The following PTPN14 variants were observed in gnomAD, a reference collection of about 807,000 sequenced individuals.
PTPN14 encodes tyrosine-protein phosphatase non-receptor type 14.
A neutral mutation model predicts 126.8 loss-of-function variants in PTPN14; 53 were observed. That is an observed-to-expected ratio of 0.42 (90% CI 0.34 to 0.53). The LOEUF is 0.53. Among genes scored for constraint, PTPN14 ranks in the 20% least tolerant of loss-of-function variants. The pLI is 0.08. For missense variants in PTPN14, 1,257 were observed against 1,552.9 expected (o/e 0.81, Z 3.20); for synonymous variants, 630 against 599.3 (o/e 1.05, Z -0.75).
At chr1:214,426,583 A>G (rs181398019) in intron 3 of PTPN14, among the ~76,000 whole-genome samples, 7 of 152,272 alleles carry the variant, frequency 4.6e-5, no homozygotes, top group Non-Finnish European at 1.0e-4. Context: ...TAAATATAGG[A>G]AACCTTTTGT....
intron 1 of PTPN14, among the ~76,000 whole-genome samples, chr1:214,518,633 A>C (rs1314111071): frequency 6.6e-6 from 1 of 152,184 alleles, no homozygotes; most frequent in Admixed American, 6.5e-5. Flanking sequence ...GACTGAAACC[A>C]TTTAAAATCC....
intron 5 of PTPN14, 24 bp downstream of exon 5, chr1:214,411,660 T>C (rs1164878177): frequency 7.0e-7 from 1 of 1,428,544 alleles, no homozygotes; most frequent in African/African-American, 1.5e-5. Context: ...GAAAATTAAT[T>C]AAGAAAAATG....
chr1:214,399,512 T>G (rs1658967619), intron 7 of PTPN14, among the ~76,000 whole-genome samples: 1 of 152,208 alleles, frequency 6.6e-6, no homozygotes, highest in African/African-American at 2.4e-5. Flanking sequence ...TTTGAAGAGT[T>G]GAATATTCTT....
intron 1 of PTPN14, among the ~76,000 whole-genome samples, chr1:214,484,819 G>T (rs1048725063): frequency 2.6e-5 from 4 of 152,198 alleles, no homozygotes. Context: ...CTCCAAGAGG[G>T]ATGTCTTCAG....
chr1:214,401,100 C>A (rs1266308901), intron 7 of PTPN14, among the ~76,000 whole-genome samples: 3 of 152,062 alleles, frequency 2.0e-5, no homozygotes, highest in Non-Finnish European at 4.4e-5. Context: ...TGACTATGAT[C>A]CATGACCCCC....
At chr1:214,513,974 C>T (rs149613773) in intron 1 of PTPN14, among the ~76,000 whole-genome samples, 40 of 152,310 alleles carry the variant, frequency 2.6e-4, no homozygotes, top group African/African-American at 9.4e-4. Flanking sequence ...AAGAAAAATA[C>T]TTAAAATAGG....
In PTPN14 at chr1:214,533,049, T is replaced by C. The variant is rs971111198; in HGVS notation, c.-155+18134A>G. 6.7e-6 allele frequency: 5 copies of C among 748,116 alleles called. No individual in the cohort carries two copies. The Admixed American group carries it at 8.7e-5, about 13-fold the overall frequency. The allele number at this position is 748,116 out of a possible 1,614,324, so 46.3% of individuals were successfully genotyped here. ...CCACCCAGTCCGCCCAGGTTGGAGC[T>C]GCTGAGATGACACTCACGGAGCTGG... On this transcript the variant is annotated intron_variant, in intron 1 of 18. Coordinates refer to ENST00000366956, the MANE Select transcript of PTPN14 (RefSeq NM_005401.5).
chr1:214,412,212 C>T (rs538063816), intron 4 of PTPN14, among the ~76,000 whole-genome samples: 1 of 152,124 alleles, frequency 6.6e-6, no homozygotes, highest in Non-Finnish European at 1.5e-5. Flanking sequence ...ATCTTTACAC[C>T]TTCTAAATAA....
At chr1:214,423,817 C>A (rs190726532) in intron 3 of PTPN14, among the ~76,000 whole-genome samples, 6 of 151,298 alleles carry the variant, frequency 4.0e-5, no homozygotes, top group Admixed American at 6.6e-5. Flanking sequence ...CACGTCTCTA[C>A]TAAAAATACA....
At chr1:214,520,936 G>A (rs1655239666) in intron 1 of PTPN14, among the ~76,000 whole-genome samples, 1 of 152,034 alleles carries the variant, frequency 6.6e-6, no homozygotes, top group Admixed American at 6.5e-5. Flanking sequence ...TCTCTTTAAA[G>A]AAGCTAAAAT....
chr1:214,536,305 G>A (rs952803788), intron 1 of PTPN14, among the ~76,000 whole-genome samples: 1 of 152,134 alleles, frequency 6.6e-6, no homozygotes, highest in Non-Finnish European at 1.5e-5. Context: ...CTACTTAGGA[G>A]GCTGAGGTGG....
intron 3 of PTPN14, among the ~76,000 whole-genome samples, chr1:214,427,418 A>G (rs186451712): frequency 5.3e-5 from 8 of 152,306 alleles, no homozygotes; most frequent in Admixed American, 3.9e-4. Flanking sequence ...AATTAGTATA[A>G]TGATTTCTTA....
rs1388837554 is a variant in PTPN14 at position 214,364,738 on chromosome 1, AG to A, written c.3272-64del. ...CCATGGCTTCGCATGTAAGTTGGGG[AG>A]GGGGGAGCGGAAGAGAACTGATGGT... On this transcript the variant is annotated intron_variant, in intron 17 of 18. Coordinates refer to ENST00000366956, the MANE Select transcript of PTPN14 (RefSeq NM_005401.5). This position sits in a 1 kb window ranked among gnomAD's most constrained non-coding sequence, Gnocchi z 4.1. 1.9e-5 allele frequency: 28 copies of A among 1,436,772 alleles called. No individual in the cohort carries two copies. The highest frequency in any genetic ancestry group is 2.8e-5 in the East Asian group (1 of 36,226). 89.0% of individuals were successfully genotyped at this position (1,436,772 alleles called of 1,614,324 possible). A position where few individuals can be genotyped will look rare whatever the true frequency, so the allele number is the denominator to read the frequency against.
At chr1:214,395,445 G>A (rs1212705153) in intron 8 of PTPN14, among the ~76,000 whole-genome samples, 1 of 152,024 alleles carries the variant, frequency 6.6e-6, no homozygotes, top group African/African-American at 2.4e-5. Context: ...AAGAAAAAAC[G>A]CCTGTTGAAG....
rs745612400 is a variant in PTPN14, at chr1:214,386,898, G to A, written c.1012C>T (p.Pro338Ser). 2 of 1,608,050 alleles carry A rather than the reference G, an allele frequency of 1.2e-6. No individual in the cohort carries two copies. The highest frequency in any genetic ancestry group is 1.1e-5 in the South Asian group (1 of 90,746). ...SLPRQQPYIL[P>S]PVHVQCGEHY... is the part of the protein sequence containing the mutation. ...TCACCACACTGGACGTGAACGGGAGGCAGGATGTACGGCTGCTGCCTGGGC... is the reference window on the plus strand; with the variant it reads ...TCACCACACTGGACGTGAACGGGAGACAGGATGTACGGCTGCTGCCTGGGC... The change falls in exon 12 of 19, where the codon CCT (proline) becomes TCT (serine). Residue 338 changes from proline to serine, a missense_variant. Physicochemically the swap from Pro to Ser is moderately conservative, Grantham distance 74. Around this residue, in one of 3 missense-constraint regions of PTPN14, gnomAD observed 1,021 missense variants for 1,183.3 expected, o/e 0.86. Coordinates refer to ENST00000366956, the MANE Select transcript of PTPN14 (RefSeq NM_005401.5).
At chr1:214,413,179 AC>A (rs1417809634) in intron 4 of PTPN14, among the ~76,000 whole-genome samples, 2 of 152,150 alleles carry the variant, frequency 1.3e-5, no homozygotes, top group Non-Finnish European at 2.9e-5. Flanking sequence ...ACCCAGCCCA[AC>A]GAAAGCTTTT....
intron 13 of PTPN14, among the ~76,000 whole-genome samples, chr1:214,380,977 A>C (rs908325467): frequency 6.6e-6 from 1 of 152,190 alleles, no homozygotes; most frequent in Non-Finnish European, 1.5e-5. Flanking sequence ...GGGGAAAAAA[A>C]AATCAACAGG....
chr1:214,532,432 T>C, intron 1 of PTPN14: 1 of 765,560 alleles, frequency 1.3e-6, no homozygotes, highest in Non-Finnish European at 2.3e-6. Flanking sequence ...AAGGAGACCA[T>C]GCAAAGCCTG....
intron 18 of PTPN14, among the ~76,000 whole-genome samples, chr1:214,363,897 G>A (rs932709905): frequency 3.3e-5 from 5 of 152,136 alleles, no homozygotes; most frequent in Admixed American, 1.3e-4. Flanking sequence ...GGAATGCCAC[G>A]CACCTTGTGT....
Sources: gnomAD v4.1 joint callset for allele counts (sites outside exome capture counted in the v4.1 genomes callset) on GRCh38, gnomAD v4.1.1 for gene constraint, gnomAD v4.1.1 regional missense constraint, Gnocchi (gnomAD v3.1) non-coding constraint, MANE v1.5 for transcripts, NCBI Gene and HGNC (gene_info 2026-07-23, HGNC 2026-07-21) for gene names.